The following GRM7 variants were observed in gnomAD, a reference collection of about 807,000 sequenced individuals.
The protein encoded by GRM7 is glutamate metabotropic receptor 7.
GRM7 carries 35 observed loss-of-function variants against 84.5 expected under a neutral mutation model. That is an observed-to-expected ratio of 0.41 (90% CI 0.32 to 0.55). GRM7 has a LOEUF of 0.55. Among genes scored for constraint, GRM7 ranks in the 20% least tolerant of loss-of-function variants. The probability of loss-of-function intolerance (pLI) is 0.19; values close to 1 mark genes in which losing one functional copy is unlikely to be tolerated. For missense variants in GRM7, 1,003 were observed against 1,194.6 expected, an observed-to-expected ratio of 0.84 and a Z score of 2.36; for synonymous variants, 487 against 455.1, an observed-to-expected ratio of 1.07 and a Z score of -0.89.
At chr3:7,637,370 T>C (rs1218427342) in intron 8 of GRM7, among the ~76,000 whole-genome samples, 1 of 152,154 alleles carries the variant, frequency 6.6e-6, no homozygotes, top group East Asian at 1.9e-4. Context: ...TATGTTTCCT[T>C]ACAAAAGAAT....
At chr3:6,980,846 G>C (rs1432621778) in intron 1 of GRM7, among the ~76,000 whole-genome samples, 1 of 152,214 alleles carries the variant, frequency 6.6e-6, no homozygotes, top group African/African-American at 2.4e-5. Context: ...AAAGTGCGAA[G>C]CTAGAGAAAT....
At chr3:7,120,401 T>C (rs957467478) in intron 1 of GRM7, among the ~76,000 whole-genome samples, 9 of 152,110 alleles carry the variant, frequency 5.9e-5, no homozygotes, top group African/African-American at 2.2e-4. Flanking sequence ...CTATCATAAG[T>C]ACTGCCAATA....
chr3:7,239,250 C>A (rs909866726), intron 2 of GRM7, among the ~76,000 whole-genome samples: 1 of 152,056 alleles, frequency 6.6e-6, no homozygotes, highest in African/African-American at 2.4e-5. Context: ...ATTCACTCAT[C>A]TTGGCTTCCC....
intron 1 of GRM7, among the ~76,000 whole-genome samples, chr3:6,950,717 C>G (rs149927961): frequency 0.064 from 9,703 of 152,290 alleles, 412 homozygotes; most frequent in African/African-American, 0.12. Context: ...GTTCAAGCTT[C>G]AGGGCCGCTT....
chr3:6,871,325 A>G (rs1452693534), intron 1 of GRM7, among the ~76,000 whole-genome samples: 1 of 152,154 alleles, frequency 6.6e-6, no homozygotes, highest in Non-Finnish European at 1.5e-5. Flanking sequence ...AGTTAATGCA[A>G]TAATATACTA....
intron 2 of GRM7, among the ~76,000 whole-genome samples, chr3:7,241,829 T>G (rs115964145): frequency 0.022 from 3,423 of 152,242 alleles, 71 homozygotes; most frequent in African/African-American, 0.055. Flanking sequence ...ATGTGTGTGT[T>G]TGTTGATCAA....
In GRM7 at chr3:7,064,467, T is replaced by TATATATATATATACACAC. The variant is rs1553612636; in HGVS notation, c.520-81979_520-81962dup. Among the ~76,000 whole-genome samples the TATATATATATATACACAC allele has an allele frequency of 1.1e-3, 113 of 105,400 alleles. 5 individuals are homozygous for TATATATATATATACACAC. Among genetic ancestry groups the TATATATATATATACACAC allele is most frequent in the Middle Eastern group, 4.8e-3 (1 of 210 alleles). 69.1% of individuals were successfully genotyped at this position (105,400 alleles called of 152,430 possible). On this transcript the variant is annotated intron_variant, in intron 1 of 9. Transcript: ENST00000357716. ...CCTCATGTATGGATATATATACATA[T>TATATATATATATACACAC]ATATATATATATACACACATATACA...
At chr3:7,348,054 C>A (rs1376152192) in intron 4 of GRM7, among the ~76,000 whole-genome samples, 1 of 152,110 alleles carries the variant, frequency 6.6e-6, no homozygotes, top group Non-Finnish European at 1.5e-5. Context: ...CAAGGTCAGC[C>A]TAGTGGTAAA....
chr3:7,391,088 A>G (rs1694976603), intron 4 of GRM7, among the ~76,000 whole-genome samples: 1 of 149,784 alleles, frequency 6.7e-6, no homozygotes, highest in South Asian at 2.1e-4. Context: ...TATATTGTAT[A>G]TGATCTATTG....
At chr3:7,591,797 T>C (rs1559425039) in intron 8 of GRM7, among the ~76,000 whole-genome samples, 1 of 152,138 alleles carries the variant, frequency 6.6e-6, no homozygotes. Context: ...TAGGGACTGA[T>C]ATCATCCCCA....
chr3:7,150,362 G>T (rs1403161388), intron 2 of GRM7, among the ~76,000 whole-genome samples: 3 of 151,982 alleles, frequency 2.0e-5, no homozygotes, highest in Non-Finnish European at 4.4e-5. Context: ...ACCGATAAGC[G>T]CCTCTTCATT....
At chr3:7,707,136 G>A (rs1429470091) in intron 9 of GRM7, among the ~76,000 whole-genome samples, 4 of 152,180 alleles carry the variant, frequency 2.6e-5, no homozygotes, top group African/African-American at 4.8e-5. Context: ...TCTACCTTGC[G>A]CAGAAGTAAG....
intron 8 of GRM7, among the ~76,000 whole-genome samples, chr3:7,678,887 A>G (rs1700245431): frequency 6.6e-6 from 1 of 152,220 alleles, no homozygotes; most frequent in Non-Finnish European, 1.5e-5. Context: ...TAGGTAGGAA[A>G]AAGGTGTCCA....
intron 2 of GRM7, among the ~76,000 whole-genome samples, chr3:7,170,585 T>C (rs1249359986): frequency 2.6e-5 from 4 of 152,152 alleles, no homozygotes; most frequent in Admixed American, 2.6e-4. Context: ...CTATCTCCTA[T>C]CACATAAATT....
chr3:7,634,309 A>G (rs1337349129), intron 8 of GRM7, among the ~76,000 whole-genome samples: 2 of 152,054 alleles, frequency 1.3e-5, no homozygotes, highest in African/African-American at 4.8e-5. Flanking sequence ...ATTGTCACAT[A>G]TCATCTCATT....
chr3:7,486,369 G>A lies in GRM7; in HGVS notation c.1515+24647G>A, dbSNP rs759264525. ...ATGATTTGAATATGACTTGTCCTCA[G>A]CAAAACTGAGGACAAGTTTTGCTGT... On this transcript the variant is annotated intron_variant, in intron 7 of 9. Coordinates refer to ENST00000357716, the MANE Select transcript of GRM7 (RefSeq NM_000844.4). This position sits in a 1 kb window ranked among gnomAD's most constrained non-coding sequence, Gnocchi z 5.5. Among the ~76,000 whole-genome samples, 1 of 152,080 alleles carries A rather than the reference G, an allele frequency of 6.6e-6. No individual in the cohort carries two copies. Among genetic ancestry groups the A allele is most frequent in the Admixed American group, 6.5e-5 (1 of 15,270 alleles).
chr3:7,377,562 C>A (rs901478212), intron 4 of GRM7, among the ~76,000 whole-genome samples: 1 of 152,104 alleles, frequency 6.6e-6, no homozygotes, highest in Non-Finnish European at 1.5e-5. Flanking sequence ...ATTCACAAAG[C>A]ACCCTGTGGA....
intron 2 of GRM7, among the ~76,000 whole-genome samples, chr3:7,161,305 C>T (rs568152282): frequency 5.2e-4 from 79 of 151,892 alleles, no homozygotes; most frequent in Non-Finnish European, 9.1e-4. Context: ...GGGCCATTTC[C>T]TTAGATATTG....
intron 7 of GRM7, among the ~76,000 whole-genome samples, chr3:7,510,793 A>C (rs577613380): frequency 2.6e-5 from 4 of 152,324 alleles, no homozygotes; most frequent in South Asian, 4.1e-4. Context: ...TATGAAATTC[A>C]AATTCCAGTG....
Sources: gnomAD v4.1 joint callset for allele counts (sites outside exome capture counted in the v4.1 genomes callset) on GRCh38, gnomAD v4.1.1 for gene constraint, Gnocchi (gnomAD v3.1) non-coding constraint, MANE v1.5 for transcripts, NCBI Gene and HGNC (gene_info 2026-07-23, HGNC 2026-07-21) for gene names.